The following TSPAN18 variants were observed in gnomAD, a reference collection of about 807,000 sequenced individuals.
TSPAN18 encodes the protein tetraspanin-18.
Under a neutral mutation model 27.3 loss-of-function variants are expected in TSPAN18, and 14 were observed. The observed-to-expected ratio is 0.51, with a 90% CI of 0.34 to 0.80. The LOEUF is 0.80. Ranked by LOEUF, TSPAN18 falls within the 30% of genes least tolerant of loss-of-function variation. TSPAN18 has a pLI of 0.01. For synonymous variants in TSPAN18, 143 were observed against 136.5 expected, an observed-to-expected ratio of 1.05 and a Z score of -0.33; for missense variants, 268 against 323.9, an observed-to-expected ratio of 0.83 and a Z score of 1.32.
At chr11:44,764,716 C>T (rs961707566) in intron 2 of TSPAN18, among the ~76,000 whole-genome samples, 1 of 152,148 alleles carries the variant, frequency 6.6e-6, no homozygotes, top group Non-Finnish European at 1.5e-5. Context: ...GTGAGGGCAA[C>T]GGGGCCACCT....
chr11:44,832,507 C>A (rs1857176049), intron 2 of TSPAN18, among the ~76,000 whole-genome samples: 1 of 152,222 alleles, frequency 6.6e-6, no homozygotes, highest in African/African-American at 2.4e-5. Context: ...CCTTCCTCAG[C>A]TCCCAAAGAG....
At chr11:44,757,932 T>A (rs773417684) in intron 1 of TSPAN18, among the ~76,000 whole-genome samples, 4 of 152,226 alleles carry the variant, frequency 2.6e-5, no homozygotes, top group Non-Finnish European at 4.4e-5. Context: ...TTTTGCTCTG[T>A]TTGTATTGTC....
intron 2 of TSPAN18, among the ~76,000 whole-genome samples, chr11:44,779,590 C>A (rs141030483): frequency 1.4e-3 from 206 of 152,284 alleles, no homozygotes; most frequent in African/African-American, 4.7e-3. Context: ...TGGCCTTCTA[C>A]TGCTAATGGG....
intron 2 of TSPAN18, among the ~76,000 whole-genome samples, chr11:44,806,524 G>A (rs557219793): frequency 6.6e-6 from 1 of 152,174 alleles, no homozygotes; most frequent in Non-Finnish European, 1.5e-5. Flanking sequence ...GTTAGAATGG[G>A]TGGGGTGGGT....
intron 2 of TSPAN18, among the ~76,000 whole-genome samples, chr11:44,808,839 A>C (rs899478690): frequency 6.6e-6 from 1 of 152,132 alleles, no homozygotes; most frequent in Admixed American, 6.5e-5. Flanking sequence ...TTGCATTTCC[A>C]CATGGACTCT....
chr11:44,803,717 G>A (rs1856532008), intron 2 of TSPAN18, among the ~76,000 whole-genome samples: 1 of 152,184 alleles, frequency 6.6e-6, no homozygotes, highest in Admixed American at 6.5e-5. Context: ...GGAATGAATT[G>A]GATGGGGCAA....
intron 1 of TSPAN18, among the ~76,000 whole-genome samples, chr11:44,752,232 C>G (rs907715368): frequency 5.3e-5 from 8 of 152,214 alleles, no homozygotes; most frequent in African/African-American, 1.9e-4. Context: ...CTAGTTTTAG[C>G]TGATGTGATG....
intron 2 of TSPAN18, among the ~76,000 whole-genome samples, chr11:44,799,377 C>A (rs2135063927): frequency 6.6e-6 from 1 of 152,316 alleles, no homozygotes; most frequent in Non-Finnish European, 1.5e-5. Flanking sequence ...ACGACACACC[C>A]ACGACACCAT....
At chr11:44,913,876 C>T (rs937328941) in intron 5 of TSPAN18, among the ~76,000 whole-genome samples, 3 of 152,254 alleles carry the variant, frequency 2.0e-5, no homozygotes, top group African/African-American at 7.2e-5. Context: ...CCAGGAATGG[C>T]TGGGTCCAGG....
intron 5 of TSPAN18, among the ~76,000 whole-genome samples, chr11:44,911,910 A>C (rs1213531067): frequency 6.7e-6 from 1 of 148,606 alleles, no homozygotes; most frequent in Non-Finnish European, 1.5e-5. Context: ...ACAAGGCCTG[A>C]TGGCAGATCC....
chr11:44,920,161 T>C (rs945292637), intron 8 of TSPAN18, among the ~76,000 whole-genome samples, 162 bp downstream of exon 8: 2 of 152,184 alleles, frequency 1.3e-5, no homozygotes, highest in Admixed American at 1.3e-4. Flanking sequence ...CAGGGGCTGA[T>C]GGAGGCTCTC....
chr11:44,903,896 AAATAAGGAT>A, intron 3 of TSPAN18: 1 of 456,696 alleles, frequency 2.2e-6, no homozygotes, highest in South Asian at 1.5e-5. Flanking sequence ...CACCTCTGGA[AAATAAGGAT>A]AATAAGAGTA....
chr11:44,779,955 C>T (rs1855898992), intron 2 of TSPAN18, among the ~76,000 whole-genome samples: 1 of 152,194 alleles, frequency 6.6e-6, no homozygotes, highest in Non-Finnish European at 1.5e-5. Context: ...ATGCACATAC[C>T]TACCCGCATC....
intron 3 of TSPAN18, among the ~76,000 whole-genome samples, chr11:44,863,430 G>A (rs576345744): frequency 1.7e-4 from 26 of 152,204 alleles, no homozygotes; most frequent in Admixed American, 2.6e-4. Context: ...GTTTAGTAGC[G>A]CCTCCCTTTT....
rs1284730238 is a variant in TSPAN18, at chr11:44,909,913, C to T, written c.258+14C>T. On this transcript the variant is annotated intron_variant, in intron 5 of 9. Transcript: ENST00000520358. ...CTGCTGCTATTTGTGAGTACCCCAG[C>T]CCCCACCCCATCCATGGGTGCTCTG... 1 of 1,602,756 alleles carries T rather than the reference C, an allele frequency of 6.2e-7. No individual in the cohort carries two copies. The highest frequency in any genetic ancestry group is 8.5e-7 in the Non-Finnish European group (1 of 1,173,192).
At chr11:44,897,021 G>A (rs835864) in intron 3 of TSPAN18, among the ~76,000 whole-genome samples, 81,322 of 151,832 alleles carry the variant, frequency 0.54, 22,448 homozygotes, top group South Asian at 0.74. Context: ...AGGGATTTTG[G>A]ATAGACATGG....
At chr11:44,756,117 G>A (rs1308736762) in intron 1 of TSPAN18, among the ~76,000 whole-genome samples, 1 of 152,096 alleles carries the variant, frequency 6.6e-6, no homozygotes, top group Admixed American at 6.5e-5. Flanking sequence ...AGTCTTCCTG[G>A]CTCTCTTCCT....
intron 3 of TSPAN18, among the ~76,000 whole-genome samples, chr11:44,861,831 A>C (rs1232252162): frequency 6.9e-6 from 1 of 144,548 alleles, no homozygotes; most frequent in Non-Finnish European, 1.5e-5. Flanking sequence ...ACACACACAC[A>C]CACAGCCCCC....
At chr11:44,830,196 C>A (rs1266690738) in intron 2 of TSPAN18, among the ~76,000 whole-genome samples, 1 of 152,236 alleles carries the variant, frequency 6.6e-6, no homozygotes, top group Non-Finnish European at 1.5e-5. Flanking sequence ...CAGCCCTCTC[C>A]ACCTGGCTGG....
Sources: allele counts gnomAD v4.1 joint callset (sites outside exome capture counted in the v4.1 genomes callset), GRCh38; gene constraint gnomAD v4.1.1; transcripts MANE v1.5; gene names NCBI Gene and HGNC (gene_info 2026-07-23, HGNC 2026-07-21).